Variants in NFASC observed in about 807,000 individuals in gnomAD.
The protein encoded by NFASC is neurofascin.
NFASC carries 43 observed loss-of-function variants against 147.5 expected under a neutral mutation model. The ratio of observed to expected loss-of-function variants is 0.29; its 90% CI spans 0.23 to 0.38. NFASC has a LOEUF of 0.38. Among genes scored for constraint, NFASC ranks in the 10% least tolerant of loss-of-function variants. The probability of loss-of-function intolerance (pLI) is 1.00; values close to 1 mark genes in which losing one functional copy is unlikely to be tolerated. For missense variants in NFASC, 1,320 were observed against 1,689.0 expected, an observed-to-expected ratio of 0.78 and a Z score of 3.83; for synonymous variants, 622 against 665.5, an observed-to-expected ratio of 0.93 and a Z score of 1.01.
In NFASC at chr1:205,016,765, C is replaced by T. The variant is rs576545816; in HGVS notation, c.*226C>T. 125 of 604,340 alleles carry T rather than the reference C, an allele frequency of 2.1e-4. 2 individuals are homozygous for T. Among genetic ancestry groups the T allele is most frequent in the South Asian group, 1.9e-3 (113 of 57,980 alleles). 37.4% of individuals were successfully genotyped at this position (604,340 alleles called of 1,614,324 possible). A position where few individuals can be genotyped will look rare whatever the true frequency, so the allele number is the denominator to read the frequency against. ...GCCACCAGTGTGGGAGAGCTGGAGC[C>T]GTGGCTGAGCTCAGCTGGAGGGAGC... On this transcript the variant is annotated 3_prime_UTR_variant, in exon 30 of 30. Transcript: ENST00000339876. This position sits in a 1 kb window ranked among gnomAD's most constrained non-coding sequence, Gnocchi z 5.1.
At position 205,016,196 on chromosome 1, in the gene NFASC, A is replaced by G. The variant is rs1022170915; in HGVS notation, c.3492-112A>G. ...CAGGGGAGGGTGAAGCGGGGGCTGG[A>G]CTGGGCGGTCTCCTGGATCCCATCC... is the stretch of plus-strand genomic sequence containing the variant. On this transcript the variant is annotated intron_variant, in intron 29 of 29. Coordinates refer to ENST00000339876, the MANE Select transcript of NFASC (RefSeq NM_001005388.3). The surrounding 1 kb of genome is among the most constrained non-coding windows in gnomAD (Gnocchi z 5.1). 1 of 751,342 alleles carries G rather than the reference A, an allele frequency of 1.3e-6. No individual in the cohort carries two copies. Among genetic ancestry groups the G allele is most frequent in the Admixed American group, 1.9e-5 (1 of 52,486 alleles). 46.5% of individuals were successfully genotyped at this position (751,342 alleles called of 1,614,324 possible).
At chr1:204,974,554 G>A (rs2095352309) in intron 13 of NFASC, 103 bp from the exon 14 acceptor site, 1 of 1,349,738 alleles carries the variant, frequency 7.4e-7, no homozygotes, top group African/African-American at 1.4e-5. Flanking sequence ...CCTAGCATGG[G>A]GCTCCTTCCA....
chr1:204,969,101 AGTG>A (rs1323468563), intron 10 of NFASC, 119 bp downstream of exon 10: 4 of 881,638 alleles, frequency 4.5e-6, no homozygotes, highest in Non-Finnish European at 7.0e-6. Context: ...CCCACTGCTC[AGTG>A]GCAATGGCGA....
intron 1 of NFASC, among the ~76,000 whole-genome samples, chr1:204,898,866 C>A (rs967526878): frequency 4.6e-5 from 7 of 152,290 alleles, no homozygotes; most frequent in African/African-American, 1.7e-4. Context: ...TACCCCAGTC[C>A]TAGGTGTTGG....
At chr1:204,881,948 G>A (rs1330638273) in intron 1 of NFASC, among the ~76,000 whole-genome samples, 1 of 152,050 alleles carries the variant, frequency 6.6e-6, no homozygotes, top group Non-Finnish European at 1.5e-5. Context: ...CCTGTTTGCA[G>A]CAGGAATCCT....
intron 8 of NFASC, among the ~76,000 whole-genome samples, chr1:204,959,144 TTTC>T (rs2094551776): frequency 6.6e-6 from 1 of 152,106 alleles, no homozygotes; most frequent in Admixed American, 6.6e-5. Flanking sequence ...TTTCTTTTTC[TTTC>T]TTCTTTTCCA....
chr1:204,962,068 C>T (rs937211648), intron 8 of NFASC: 19 of 1,549,862 alleles, frequency 1.2e-5, no homozygotes, highest in Non-Finnish European at 1.3e-5. Flanking sequence ...GTGACTTCTC[C>T]GTGGCCTCCT....
chr1:204,978,465 C>T (rs1250895811), intron 17 of NFASC, among the ~76,000 whole-genome samples: 1 of 152,206 alleles, frequency 6.6e-6, no homozygotes, highest in African/African-American at 2.4e-5. Flanking sequence ...TTGTTGCCCC[C>T]ACTCCCCTAA....
intron 27 of NFASC, among the ~76,000 whole-genome samples, chr1:205,003,290 T>C (rs1048503248): frequency 1.3e-5 from 2 of 152,154 alleles, no homozygotes; most frequent in East Asian, 3.9e-4. Context: ...TTGTCCCAAA[T>C]TTGTCTTGGC....
In NFASC at chr1:204,857,162, A is replaced by G. The variant is rs560938820; in HGVS notation, c.-200+28380A>G. Among the ~76,000 whole-genome samples the G allele has an allele frequency of 6.9e-4, 105 of 152,320 alleles. 4 individuals carry two copies. The South Asian group carries it at 0.021, about 31-fold the overall frequency. On this transcript the variant is annotated intron_variant, in intron 1 of 29. Transcript: ENST00000339876. ...CCCACCAGCAGTGCATGAGGGCTCCAGTTTCCCCTCCTCTTCCTTGCTAGT... is the reference window on the plus strand; with the variant it reads ...CCCACCAGCAGTGCATGAGGGCTCCGGTTTCCCCTCCTCTTCCTTGCTAGT...
At chr1:204,919,624 C>T (rs2149424947) in intron 1 of NFASC, among the ~76,000 whole-genome samples, 1 of 152,156 alleles carries the variant, frequency 6.6e-6, no homozygotes, top group Non-Finnish European at 1.5e-5. Context: ...ATACCATTTC[C>T]TGCAGACACT....
intron 1 of NFASC, among the ~76,000 whole-genome samples, chr1:204,864,691 C>T (rs975261436): frequency 2.6e-5 from 4 of 152,170 alleles, no homozygotes; most frequent in African/African-American, 9.7e-5. Context: ...GGAGAAATGT[C>T]TGTTCAAAGT....
chr1:205,012,882 C>G lies in NFASC; in HGVS notation c.3491+16C>G. ...TTGACTATAGGTGCGTGATCTCCCT[C>G]CTCCTCTCTCAGGCAGGCTGTCCTC... On this transcript the variant is annotated intron_variant, in intron 29 of 29. Coordinates refer to ENST00000339876, the MANE Select transcript of NFASC (RefSeq NM_001005388.3). The G allele has an allele frequency of 6.3e-7, 1 of 1,595,232 alleles. No homozygotes were observed. The highest frequency in any genetic ancestry group is 1.1e-5 in the South Asian group (1 of 90,694).
chr1:204,894,352 G>T (rs900798593), intron 1 of NFASC, among the ~76,000 whole-genome samples: 1 of 152,150 alleles, frequency 6.6e-6, no homozygotes, highest in Non-Finnish European at 1.5e-5. Context: ...GGGAATGGCT[G>T]TTGGGTAGGA....
intron 10 of NFASC, among the ~76,000 whole-genome samples, 184 bp downstream of exon 10, chr1:204,969,166 G>A (rs537997024): frequency 4.1e-4 from 63 of 152,062 alleles, no homozygotes; most frequent in Non-Finnish European, 7.9e-4. Context: ...GTGCATGCCC[G>A]TGCATGGGGC....
chr1:204,995,811 G>C (rs1314598775), intron 24 of NFASC, among the ~76,000 whole-genome samples: 2 of 152,038 alleles, frequency 1.3e-5, no homozygotes, highest in Non-Finnish European at 2.9e-5. Flanking sequence ...AAAGCTCTCT[G>C]GCAATTCTTT....
intron 26 of NFASC, among the ~76,000 whole-genome samples, chr1:205,002,299 T>A (rs2096005105): frequency 6.6e-6 from 1 of 152,188 alleles, no homozygotes; most frequent in Non-Finnish European, 1.5e-5. Flanking sequence ...GCTGACAAGC[T>A]GAGAGTTTAA....
rs912158975 is a variant in NFASC at position 204,877,972 on chromosome 1, C to T, written c.-199-42660C>T. Reference sequence around the variant, plus strand: ...CACTGCAGCCCTTGATGGGTACTTCCGGACCCAGGCTTCCCAGGCAATAGA... The same window carrying T: ...CACTGCAGCCCTTGATGGGTACTTCTGGACCCAGGCTTCCCAGGCAATAGA... On this transcript the variant is annotated intron_variant, in intron 1 of 29. Coordinates refer to ENST00000339876, the MANE Select transcript of NFASC (RefSeq NM_001005388.3). Among the ~76,000 whole-genome samples, 20 of 152,288 alleles carry T rather than the reference C, an allele frequency of 1.3e-4. No homozygotes were observed. The South Asian group carries it at 3.9e-3, about 30-fold the overall frequency.
chr1:204,969,649 G>A (rs559835116), intron 10 of NFASC, among the ~76,000 whole-genome samples: 2 of 152,286 alleles, frequency 1.3e-5, no homozygotes, highest in South Asian at 4.1e-4. Flanking sequence ...AAACTAAGGA[G>A]TTCTTAGACT....
Sources: gnomAD v4.1 joint callset for allele counts (sites outside exome capture counted in the v4.1 genomes callset) on GRCh38, gnomAD v4.1.1 for gene constraint, Gnocchi (gnomAD v3.1) non-coding constraint, MANE v1.5 for transcripts, NCBI Gene and HGNC (gene_info 2026-07-23, HGNC 2026-07-21) for gene names.